TMEM117: variants seen among roughly 807,000 people sequenced by gnomAD.
TMEM117 encodes transmembrane protein 117.
TMEM117 carries 27 observed loss-of-function variants against 52.4 expected under a neutral mutation model. The observed-to-expected ratio is 0.51, with a 90% confidence interval of 0.38 to 0.71. TMEM117 has a LOEUF of 0.71. TMEM117 is among the 30% of genes least tolerant of loss of function. The probability of loss-of-function intolerance (pLI) is 0.00; values close to 1 mark genes in which losing one functional copy is unlikely to be tolerated. For missense variants in TMEM117, 556 were observed against 630.5 expected (o/e 0.88, Z 1.26); for synonymous variants, 215 against 206.3 (o/e 1.04, Z -0.36).
the TMEM117 span, among the ~76,000 whole-genome samples, chr12:43,809,012 T>G: frequency 6.6e-6 from 1 of 152,174 alleles, no homozygotes; most frequent in Non-Finnish European, 1.5e-5. Context: ...CAAGTCAGGT[T>G]TGACCTATGA....
the TMEM117 span, among the ~76,000 whole-genome samples, chr12:43,806,547 G>A: frequency 1.3e-5 from 2 of 152,128 alleles, no homozygotes; most frequent in Non-Finnish European, 2.9e-5. Flanking sequence ...GCAGAATCTA[G>A]ACTGCTCAGT....
intron 3 of TMEM117, among the ~76,000 whole-genome samples, chr12:43,978,839 G>A (rs769896022): frequency 5.0e-4 from 76 of 151,970 alleles, no homozygotes; most frequent in Non-Finnish European, 8.4e-4. Context: ...TTTTAGTCCC[G>A]GTATGTGAGC....
chr12:44,313,894 GCT>G, intron 6 of TMEM117, among the ~76,000 whole-genome samples: 1 of 152,014 alleles, frequency 6.6e-6, no homozygotes, highest in African/African-American at 2.4e-5. Context: ...CCTTGATTTG[GCT>G]CTCAGCTTGA....
chr12:44,021,819 C>A (rs1450501149), intron 3 of TMEM117, among the ~76,000 whole-genome samples: 2 of 152,174 alleles, frequency 1.3e-5, no homozygotes, highest in Admixed American at 1.3e-4. Context: ...TGAGTAGTGA[C>A]CACCTGCCAC....
intron 4 of TMEM117, among the ~76,000 whole-genome samples, chr12:44,204,565 C>T (rs1303608949): frequency 3.9e-5 from 6 of 152,032 alleles, no homozygotes; most frequent in Non-Finnish European, 7.4e-5. Flanking sequence ...TTCTAAAATT[C>T]GTATGGAACA....
the TMEM117 span, among the ~76,000 whole-genome samples, chr12:43,822,102 A>G: frequency 4.1e-4 from 62 of 152,312 alleles, no homozygotes; most frequent in East Asian, 0.011. Flanking sequence ...TCAAGATTTC[A>G]GGACTTCTCT....
rs567852758 is a variant in TMEM117, at chr12:44,310,568, G to A, written c.768+10829G>A. Among the ~76,000 whole-genome samples the A allele has an allele frequency of 3.3e-5, 5 of 152,314 alleles. 1 individual carries two copies. The highest frequency in any genetic ancestry group is 1.2e-4 in the African/African-American group (5 of 41,568). ...CAGGAGTATAGTTTGAACCCTGGAG[G>A]CGGAGGTTGGGGTGAGCTGAGATTG... On this transcript the variant is annotated intron_variant, in intron 6 of 7. Transcript: ENST00000266534.
the TMEM117 span, among the ~76,000 whole-genome samples, chr12:43,803,779 AAAC>A: frequency 1.3e-5 from 2 of 152,156 alleles, no homozygotes; most frequent in African/African-American, 4.8e-5. Flanking sequence ...AGAAAATAGA[AAAC>A]AAATTAGATT....
chr12:44,331,370 G>A (rs1951268797), intron 6 of TMEM117, among the ~76,000 whole-genome samples: 1 of 151,868 alleles, frequency 6.6e-6, no homozygotes, highest in Admixed American at 6.6e-5. Flanking sequence ...TCCTCTGAGA[G>A]CTTTGTCAGC....
intron 3 of TMEM117, among the ~76,000 whole-genome samples, chr12:44,130,377 TCC>T (rs1352281078): frequency 6.6e-6 from 1 of 152,188 alleles, no homozygotes; most frequent in Admixed American, 6.5e-5. Flanking sequence ...CTCCCTTCCC[TCC>T]AAAGTAATAA....
chr12:44,105,056 T>C (rs1947929354), intron 3 of TMEM117, among the ~76,000 whole-genome samples: 1 of 152,008 alleles, frequency 6.6e-6, no homozygotes, highest in Admixed American at 6.6e-5. Flanking sequence ...TTGCTTCATA[T>C]ATTTCTTCTG....
chr12:43,975,131 T>A (rs1036477125), intron 3 of TMEM117, among the ~76,000 whole-genome samples: 6 of 152,238 alleles, frequency 3.9e-5, no homozygotes, highest in Non-Finnish European at 7.3e-5. Flanking sequence ...GTTTTTGTCT[T>A]TAAGTTGTCA....
chr12:44,373,368 G>A (rs1951890852), intron 6 of TMEM117, among the ~76,000 whole-genome samples: 1 of 152,204 alleles, frequency 6.6e-6, no homozygotes. Context: ...CCCAAGTCCT[G>A]GGCAAAGGCC....
In TMEM117 at chr12:43,905,137, C is replaced by T. The variant is rs1472368117; in HGVS notation, c.278-39073C>T. ...CACCCTGGGCAACAAGAGCAAAACT[C>T]GGTCTCAAAAAAAAAAAAAAATGTT... On this transcript the variant is annotated intron_variant, in intron 2 of 7. Coordinates refer to ENST00000266534, the MANE Select transcript of TMEM117 (RefSeq NM_032256.3). Among the ~76,000 whole-genome samples, 5 of 142,462 alleles carry T rather than the reference C, an allele frequency of 3.5e-5. No individual in the cohort carries two copies. In the South Asian group the frequency reaches 6.4e-4, roughly 18 times the overall value. The allele number at this position is 142,462 out of a possible 152,430, so 93.5% of individuals were successfully genotyped here.
At chr12:43,864,546 T>G (rs1234283456) in intron 2 of TMEM117, among the ~76,000 whole-genome samples, 1 of 152,160 alleles carries the variant, frequency 6.6e-6, no homozygotes, top group African/African-American at 2.4e-5. Context: ...AATACACCAA[T>G]CAGCACTCTG....
chr12:43,916,872 A>G (rs1944612949), intron 2 of TMEM117, among the ~76,000 whole-genome samples: 1 of 152,068 alleles, frequency 6.6e-6, no homozygotes, highest in Non-Finnish European at 1.5e-5. Context: ...GATGTTAACA[A>G]TCTCACTGTT....
intron 2 of TMEM117, among the ~76,000 whole-genome samples, chr12:43,882,874 T>A (rs1943922496): frequency 6.6e-6 from 1 of 152,216 alleles, no homozygotes; most frequent in Admixed American, 6.5e-5. Flanking sequence ...AAACTAAGAT[T>A]AACGATAAAG....
chr12:43,870,578 A>G (rs749108977), intron 2 of TMEM117, among the ~76,000 whole-genome samples: 57 of 151,962 alleles, frequency 3.8e-4, no homozygotes, highest in Non-Finnish European at 7.4e-4. Context: ...TGTCTTTATA[A>G]TAGAACAATT....
intron 5 of TMEM117, among the ~76,000 whole-genome samples, chr12:44,223,047 T>G (rs1420780395): frequency 6.6e-6 from 1 of 151,946 alleles, no homozygotes; most frequent in Non-Finnish European, 1.5e-5. Flanking sequence ...GCTAGTCTTC[T>G]TCTTTTAACT....
Sources: allele counts gnomAD v4.1 joint callset (sites outside exome capture counted in the v4.1 genomes callset), GRCh38; gene constraint gnomAD v4.1.1; transcripts MANE v1.5; gene names NCBI Gene and HGNC (gene_info 2026-07-23, HGNC 2026-07-21).